The following C12orf50 variants were observed in gnomAD, a reference collection of about 807,000 sequenced individuals.
C12orf50 encodes the protein zinc finger CCCH-type containing 11D, also known as uncharacterized protein C12orf50.
Under a neutral mutation model 61.6 loss-of-function variants are expected in C12orf50, and 35 were observed. That is an observed-to-expected ratio of 0.57 (90% CI 0.43 to 0.75). The LOEUF (loss-of-function observed/expected upper bound fraction) is 0.75. C12orf50 is among the 30% of genes least tolerant of loss of function. The probability of loss-of-function intolerance (pLI) is 0.00; values close to 1 mark genes in which losing one functional copy is unlikely to be tolerated. For synonymous variants in C12orf50, 178 were observed against 161.5 expected, an observed-to-expected ratio of 1.10 and a Z score of -0.77; for missense variants, 475 against 488.5, an observed-to-expected ratio of 0.97 and a Z score of 0.26.
intron 3 of C12orf50, among the ~76,000 whole-genome samples, chr12:88,004,318 G>T (rs925075709): frequency 6.6e-6 from 1 of 152,128 alleles, no homozygotes; most frequent in African/African-American, 2.4e-5. Context: ...CTAATCATTA[G>T]AGAAATGCAA....
intron 6 of C12orf50, 140 bp downstream of exon 6, chr12:87,996,234 A>G: frequency 3.0e-6 from 2 of 665,098 alleles, no homozygotes; most frequent in African/African-American, 1.8e-5. Context: ...GGGTCATCCA[A>G]TACAAACACT....
intron 3 of C12orf50, among the ~76,000 whole-genome samples, chr12:88,012,423 T>G (rs540547877): frequency 1.3e-5 from 2 of 152,306 alleles, no homozygotes; most frequent in South Asian, 4.1e-4. Flanking sequence ...ACTAAACAAA[T>G]TGTTTTCATT....
At chr12:88,006,172 TCC>T (rs1373345537) in intron 3 of C12orf50, among the ~76,000 whole-genome samples, 8 of 152,058 alleles carry the variant, frequency 5.3e-5, no homozygotes, top group Non-Finnish European at 1.0e-4. Context: ...CACATCGGCC[TCC>T]CAAAGTGCTG....
Position 88,014,371 on chromosome 12 carries a change from G to A in C12orf50, c.133+12117C>T, listed in dbSNP as rs998739686. ...GGCTGGAGTGCAGTGGCGCGATTTCGGCTCACTGCAAGCTCTGCCTCCCAG... is the reference window on the plus strand; with the variant it reads ...GGCTGGAGTGCAGTGGCGCGATTTCAGCTCACTGCAAGCTCTGCCTCCCAG... On this transcript the variant is annotated intron_variant, in intron 3 of 12. Transcript: ENST00000298699. Among the ~76,000 whole-genome samples the A allele has an allele frequency of 5.9e-5, 9 of 151,998 alleles. No individual in the cohort carries two copies. In the South Asian group the frequency reaches 6.2e-4, roughly 11 times the overall value.
At chr12:87,996,157 C>G (rs916699092) in intron 6 of C12orf50, among the ~76,000 whole-genome samples, 1 of 152,138 alleles carries the variant, frequency 6.6e-6, no homozygotes, top group Admixed American at 6.6e-5. Context: ...AGTGTCATTA[C>G]GTGTTAATGA....
chr12:88,014,597 C>T (rs2032242658), intron 3 of C12orf50, among the ~76,000 whole-genome samples: 1 of 152,190 alleles, frequency 6.6e-6, no homozygotes, highest in African/African-American at 2.4e-5. Flanking sequence ...CCGCGCCTGG[C>T]TGAGATACTT....
chr12:88,004,054 AT>A (rs956808191), intron 3 of C12orf50, among the ~76,000 whole-genome samples: 3 of 150,932 alleles, frequency 2.0e-5, no homozygotes, highest in Non-Finnish European at 3.0e-5. Context: ...CCCTTATAGT[AT>A]TTTTTTCCCA....
intron 12 of C12orf50, among the ~76,000 whole-genome samples, chr12:87,982,481 TC>T (rs1238616978): frequency 6.6e-6 from 1 of 152,122 alleles, no homozygotes. Flanking sequence ...AAGCATTTTA[TC>T]CCCTGTAGAT....
chr12:87,982,630 A>C (rs533339647), intron 12 of C12orf50, among the ~76,000 whole-genome samples: 2 of 152,292 alleles, frequency 1.3e-5, no homozygotes, highest in African/African-American at 4.8e-5. Flanking sequence ...CCCAGAGCGC[A>C]GAGTTCCACA....
chr12:87,993,336 C>T (rs1412067860), intron 7 of C12orf50, among the ~76,000 whole-genome samples: 1 of 152,160 alleles, frequency 6.6e-6, no homozygotes, highest in South Asian at 2.1e-4. Context: ...TTTCAACAAA[C>T]TGTTCGATTA....
Position 87,996,431 on chromosome 12 carries a change from G to A in C12orf50, c.424C>T (p.Pro142Ser), listed in dbSNP as rs2031396874. The change falls in exon 6 of 13, where the codon CCT (proline) becomes TCT (serine). Residue 142 changes from proline (P) to serine (S), a missense_variant. Coordinates refer to ENST00000298699, the MANE Select transcript of C12orf50 (RefSeq NM_152589.3). ...PDILSSKSMTPTAEKQLEKPL... is the reference protein window; with the variant it reads ...PDILSSKSMTSTAEKQLEKPL... ...TTTTCTAACTGTTTTTCTGCTGTAG[G>A]TGTCATGCTTTTTGATGACAAAATA... is the stretch of plus-strand genomic sequence containing the variant. 6.2e-7 allele frequency: 1 copy of A among 1,613,312 alleles called. No homozygotes were observed.
intron 3 of C12orf50, among the ~76,000 whole-genome samples, chr12:88,011,616 G>A (rs1197254826): frequency 6.6e-6 from 1 of 152,170 alleles, no homozygotes; most frequent in Non-Finnish European, 1.5e-5. Context: ...AGTTGCCCAT[G>A]TTTACAGTGG....
chr12:87,982,462 A>C (rs2136394487), intron 12 of C12orf50, among the ~76,000 whole-genome samples: 1 of 152,306 alleles, frequency 6.6e-6, no homozygotes, highest in African/African-American at 2.4e-5. Flanking sequence ...TTGTCTGAGA[A>C]GTAATCGAAA....
chr12:87,994,089 A>G (rs908653513), intron 7 of C12orf50, among the ~76,000 whole-genome samples: 5 of 152,058 alleles, frequency 3.3e-5, no homozygotes, highest in African/African-American at 1.2e-4. Context: ...AGTGCCAGCT[A>G]CTTAGGAGGC....
intron 12 of C12orf50, among the ~76,000 whole-genome samples, chr12:87,982,533 G>T (rs2136394658): frequency 6.6e-6 from 1 of 152,188 alleles, no homozygotes; most frequent in African/African-American, 2.4e-5. Context: ...TCTGGGAAAA[G>T]ACACCAAGCT....
chr12:88,018,645 AAGC>A, intron 3 of C12orf50, among the ~76,000 whole-genome samples: 1 of 152,214 alleles, frequency 6.6e-6, no homozygotes, highest in East Asian at 1.9e-4. Flanking sequence ...CAGCCAGTGA[AAGC>A]AGCCAGGAGC....
chr12:88,019,771 T>A (rs1169643286), intron 3 of C12orf50, among the ~76,000 whole-genome samples: 1 of 151,468 alleles, frequency 6.6e-6, no homozygotes, highest in Non-Finnish European at 1.5e-5. Flanking sequence ...AGAAAAAAAA[T>A]GTTAAAGACA....
intron 11 of C12orf50, chr12:87,983,969 A>T (rs1264401562): frequency 8.0e-6 from 1 of 125,146 alleles, no homozygotes; most frequent in Admixed American, 8.8e-5. Flanking sequence ...CGCCACACTG[A>T]CTTCCACAAT....
In C12orf50 at chr12:87,987,862, C is replaced by T. The variant is rs375468699; in HGVS notation, c.805G>A (p.Asp269Asn). Residue 269 changes from aspartate (D) to asparagine (N), a missense_variant, in exon 9 of 13, where the codon GAC becomes AAC. Transcript: ENST00000298699. ...GCTAATGTCTCACTTGAAGAGGGGT[C>T]CTCTCTGCACTTCATACTGATATTC... Reference protein sequence around the residue: ...TENISMKCREDPSSMNDVQPV... With the variant: ...TENISMKCRENPSSMNDVQPV... 3 of 1,598,690 alleles carry T rather than the reference C, an allele frequency of 1.9e-6. No homozygotes were observed. In the African/African-American group the frequency reaches 4.0e-5, roughly 21 times the overall value.
Sources: allele counts gnomAD v4.1 joint callset (sites outside exome capture counted in the v4.1 genomes callset), GRCh38; gene constraint gnomAD v4.1.1; transcripts MANE v1.5; gene names NCBI Gene and HGNC (gene_info 2026-07-23, HGNC 2026-07-21).